Variants in PKIG observed in about 807,000 individuals in gnomAD.
PKIG encodes cAMP-dependent protein kinase inhibitor gamma, also known as protein kinase (cAMP-dependent, catalytic) inhibitor gamma.
PKIG carries 1 observed loss-of-function variant against 6.8 expected under a neutral mutation model. The ratio of observed to expected loss-of-function variants is 0.15; its 90% CI spans 0.05 to 0.69. PKIG has a LOEUF of 0.69. Ranked by LOEUF, PKIG falls within the 30% of genes least tolerant of loss-of-function variation. The pLI is 0.82. For synonymous variants in PKIG, 39 were observed against 43.0 expected (o/e 0.91, Z 0.36); for missense variants, 77 against 104.0 (o/e 0.74, Z 1.13).
chr20:44,619,018 A>G lies in PKIG; in HGVS notation c.*654A>G, dbSNP rs1443756238. 15 of 153,558 alleles carry G rather than the reference A, an allele frequency of 9.8e-5. No individual in the cohort carries two copies. The allele number at this position is 153,558 out of a possible 1,614,324, so 9.5% of individuals were successfully genotyped here. The stretch of plus-strand genomic sequence containing the variant: ...AGTGACACCTAGGACCCAGGAAATA[A>G]ATGCCGATGATTTGTGTGACTGGTT... On this transcript the variant is annotated 3_prime_UTR_variant, in exon 4 of 4. Transcript: ENST00000372886.
At chr20:44,586,239 G>A (rs963338720) in intron 1 of PKIG, among the ~76,000 whole-genome samples, 3 of 152,226 alleles carry the variant, frequency 2.0e-5, no homozygotes, top group African/African-American at 7.2e-5. Flanking sequence ...GGCTCATAAA[G>A]CACTTAGTTA....
At chr20:44,574,432 C>G (rs1248311320) in intron 1 of PKIG, among the ~76,000 whole-genome samples, 1 of 152,090 alleles carries the variant, frequency 6.6e-6, no homozygotes, top group Admixed American at 6.5e-5. Flanking sequence ...CCACCCATTA[C>G]CCGGCTTCAA....
intron 1 of PKIG, among the ~76,000 whole-genome samples, chr20:44,538,143 T>G (rs1278629497): frequency 1.3e-5 from 2 of 152,188 alleles, no homozygotes; most frequent in Admixed American, 1.3e-4. Context: ...GTCACTTAGC[T>G]CCACTCCCAC....
At position 44,618,416 on chromosome 20, in the gene PKIG, A is replaced by AG; in HGVS notation, c.*57dup. On this transcript the variant is annotated 3_prime_UTR_variant, in exon 4 of 4. Coordinates refer to ENST00000372886, the MANE Select transcript of PKIG (RefSeq NM_001281445.2). ...CGAGAGACCTTCTGTCCCCTCCCAG[A>AG]GGGGGAACCCTGGCACTGGCCCAGC... 1.6e-6 allele frequency: 2 copies of AG among 1,257,816 alleles called. No homozygotes were observed. Among genetic ancestry groups the AG allele is most frequent in the Non-Finnish European group, 2.3e-6 (2 of 855,338 alleles). The allele number at this position is 1,257,816 out of a possible 1,614,324, so 77.9% of individuals were successfully genotyped here.
At chr20:44,577,115 T>TG (rs1361257224) in intron 1 of PKIG, among the ~76,000 whole-genome samples, 2 of 151,320 alleles carry the variant, frequency 1.3e-5, no homozygotes, top group African/African-American at 4.9e-5. Flanking sequence ...TATGTGTGTG[T>TG]GGTTTTTTTT....
At chr20:44,577,631 CAATT>C (rs1163292953), upstream of PKIG, among the ~76,000 whole-genome samples, 2 of 152,110 alleles carry the variant, frequency 1.3e-5, no homozygotes, top group African/African-American at 2.4e-5. Flanking sequence ...ATATACTTCT[CAATT>C]AATTGTCTAG....
At chr20:44,613,516 A>T (rs531491388) in intron 2 of PKIG, among the ~76,000 whole-genome samples, 66 of 152,294 alleles carry the variant, frequency 4.3e-4, no homozygotes, top group African/African-American at 1.5e-3. Flanking sequence ...AAGTTACCGA[A>T]TAGGCCAAAC....
chr20:44,609,272 GGCCAGTGGCCTGCACTGGGCA>G (rs2065192840), intron 2 of PKIG, among the ~76,000 whole-genome samples: 1 of 152,126 alleles, frequency 6.6e-6, no homozygotes, highest in South Asian at 2.1e-4. Context: ...GTGTCCCGAG[GGCCAGTGGCCTGCACTGGGCA>G]GCCTGTAACA....
intron 1 of PKIG, among the ~76,000 whole-genome samples, chr20:44,540,774 A>C (rs1206765476): frequency 2.0e-5 from 3 of 151,514 alleles, no homozygotes; most frequent in Admixed American, 2.0e-4. Context: ...TAGAGACAGG[A>C]TTTCACCATG....
At chr20:44,536,937 G>A (rs925244471) in intron 1 of PKIG, among the ~76,000 whole-genome samples, 2 of 151,980 alleles carry the variant, frequency 1.3e-5, no homozygotes, top group Non-Finnish European at 2.9e-5. Context: ...GTTTTTTTGT[G>A]TGTGTTTTTT....
At chr20:44,562,440 A>G (rs2064775172) in intron 1 of PKIG, among the ~76,000 whole-genome samples, 1 of 151,926 alleles carries the variant, frequency 6.6e-6, no homozygotes, top group Non-Finnish European at 1.5e-5. Flanking sequence ...GCCAAACGCC[A>G]TCTCTACAAA....
At chr20:44,549,087 T>G (rs2123185383) in intron 1 of PKIG, among the ~76,000 whole-genome samples, 1 of 152,342 alleles carries the variant, frequency 6.6e-6, no homozygotes, top group Non-Finnish European at 1.5e-5. Context: ...CTCAGGAAGT[T>G]TTAAAACTTT....
At chr20:44,559,707 A>G (rs2064749772) in intron 1 of PKIG, among the ~76,000 whole-genome samples, 2 of 152,254 alleles carry the variant, frequency 1.3e-5, no homozygotes, top group South Asian at 2.1e-4. Context: ...TTACATTGGT[A>G]TTCTATTGTA....
chr20:44,611,587 G>A (rs1205637671), intron 2 of PKIG, among the ~76,000 whole-genome samples: 1 of 150,848 alleles, frequency 6.6e-6, no homozygotes, highest in Non-Finnish European at 1.5e-5. Context: ...CATGATCTTG[G>A]CTCACTGCAA....
chr20:44,576,681 G>T (rs1469756591), intron 1 of PKIG, among the ~76,000 whole-genome samples: 1 of 152,120 alleles, frequency 6.6e-6, no homozygotes, highest in Non-Finnish European at 1.5e-5. Flanking sequence ...GAGACCACAT[G>T]CTCCTTTCAG....
At chr20:44,538,943 G>C (rs1232080488) in intron 1 of PKIG, among the ~76,000 whole-genome samples, 1 of 145,188 alleles carries the variant, frequency 6.9e-6, no homozygotes, top group African/African-American at 2.6e-5. Context: ...CTTTCTTTTT[G>C]ACACAGAGCC....
In PKIG at chr20:44,561,605, A is replaced by G. The variant is rs2064767928; in HGVS notation, c.-240-20980A>G. Among the ~76,000 whole-genome samples, 3 of 152,184 alleles carry G rather than the reference A, an allele frequency of 2.0e-5. No homozygotes were observed. In the South Asian group the frequency reaches 6.2e-4, roughly 31 times the overall value. On this transcript the variant is annotated intron_variant, in intron 1 of 4. Coordinates refer to the PKIG transcript ENST00000372887. ...GATCCAGTGACAAGTTCTAATATGC[A>G]TTTAAAAAAATTTTTTTTTCAAGTT...
At chr20:44,603,338 A>G (rs916186310) in intron 2 of PKIG, among the ~76,000 whole-genome samples, 1 of 152,106 alleles carries the variant, frequency 6.6e-6, no homozygotes, top group Non-Finnish European at 1.5e-5. Context: ...ATCACTTACT[A>G]CACTTTTTGC....
intron 1 of PKIG, among the ~76,000 whole-genome samples, chr20:44,559,621 A>G (rs534258205): frequency 1.1e-4 from 17 of 152,372 alleles, no homozygotes; most frequent in South Asian, 8.3e-4. Flanking sequence ...CAGTGAGACT[A>G]TGCACAATGG....
Sources: gnomAD v4.1 joint callset for allele counts (sites outside exome capture counted in the v4.1 genomes callset) on GRCh38, gnomAD v4.1.1 for gene constraint, MANE v1.5 for transcripts, NCBI Gene and HGNC (gene_info 2026-07-23, HGNC 2026-07-21) for gene names.